Variants in GRIN2A observed in about 807,000 individuals in gnomAD.
GRIN2A encodes glutamate ionotropic receptor NMDA type subunit 2A.
Under a neutral mutation model 113.4 loss-of-function variants are expected in GRIN2A, and 22 were observed. The ratio of observed to expected loss-of-function variants is 0.19; its 90% CI spans 0.14 to 0.28. GRIN2A has a LOEUF of 0.28. Among genes scored for constraint, GRIN2A ranks in the 10% least tolerant of loss-of-function variants. The probability of loss-of-function intolerance (pLI) is 1.00; values close to 1 mark genes in which losing one functional copy is unlikely to be tolerated. For missense variants in GRIN2A, 1,502 were observed against 1,887.0 expected (o/e 0.80, Z 3.78); for synonymous variants, 827 against 738.4 (o/e 1.12, Z -1.94).
chr16:9,763,500 C>T lies in GRIN2A; in HGVS notation c.4044G>A (p.Leu1348=), dbSNP rs1481988675. The T allele has an allele frequency of 1.9e-6, 3 of 1,613,962 alleles. No homozygotes were observed. The highest frequency in any genetic ancestry group is 2.5e-6 in the Non-Finnish European group (3 of 1,179,998). The change falls in exon 13 of 13, where the codon CTG becomes CTA. Residue 1348 remains leucine, a synonymous_variant. Coordinates refer to ENST00000330684, the MANE Select transcript of GRIN2A (RefSeq NM_001134407.3). ...GKKSSLFPQG[L]EDSKRSKSLL... is the part of the protein sequence containing the mutation. ...GAGACTTGCTCCTCTTGCTGTCCTC[C>T]AGACCTTGGGGGAAAAGGGAGCTTT...
At chr16:9,855,788 G>A (rs551849801) in intron 4 of GRIN2A, among the ~76,000 whole-genome samples, 1 of 152,292 alleles carries the variant, frequency 6.6e-6, no homozygotes, top group African/African-American at 2.4e-5. Flanking sequence ...CAAATGGCAA[G>A]CTATCTCTAA....
intron 10 of GRIN2A, among the ~76,000 whole-genome samples, chr16:9,819,490 C>G (rs188437402): frequency 1.0e-3 from 152 of 151,214 alleles, no homozygotes; most frequent in African/African-American, 3.7e-3. Flanking sequence ...CTACTGTACT[C>G]CAACCTGGGT....
At chr16:9,925,879 A>C (rs1784159384) in intron 3 of GRIN2A, among the ~76,000 whole-genome samples, 1 of 152,226 alleles carries the variant, frequency 6.6e-6, no homozygotes, top group Admixed American at 6.5e-5. Context: ...TTTTAAAGCA[A>C]ATATTGAAAC....
chr16:9,872,200 T>G (rs970309624), intron 4 of GRIN2A, among the ~76,000 whole-genome samples: 4 of 152,140 alleles, frequency 2.6e-5, no homozygotes, highest in Non-Finnish European at 5.9e-5. Context: ...AATGACAGAT[T>G]TCCAGAATTA....
intron 2 of GRIN2A, among the ~76,000 whole-genome samples, chr16:10,127,486 C>T (rs1224599810): frequency 1.3e-5 from 2 of 152,174 alleles, no homozygotes; most frequent in Admixed American, 6.5e-5. Flanking sequence ...ACTACCACCG[C>T]CCTGGGAGGT....
Position 9,768,839 on chromosome 16 carries a change from C to T in GRIN2A, c.2595+12G>A, listed in dbSNP as rs746566593. On this transcript the variant is annotated intron_variant, in intron 12 of 12. Transcript: ENST00000330684. Reference sequence around the variant, plus strand: ...CTTGCAGTGCAAGAAAGTAGCCACCCGGTGTACTGACCCTGCTGATGGAGA... The same window carrying T: ...CTTGCAGTGCAAGAAAGTAGCCACCTGGTGTACTGACCCTGCTGATGGAGA... The T allele has an allele frequency of 9.4e-6, 15 of 1,588,946 alleles. No homozygotes were observed. Among genetic ancestry groups the T allele is most frequent in the Admixed American group, 1.7e-5 (1 of 59,988 alleles).
intron 2 of GRIN2A, among the ~76,000 whole-genome samples, chr16:10,113,236 G>A (rs927447527): frequency 6.6e-6 from 1 of 151,886 alleles, no homozygotes; most frequent in African/African-American, 2.4e-5. Context: ...GTACCTCCCT[G>A]CCCCCAGCCC....
chr16:9,899,276 T>G (rs1190421361), intron 3 of GRIN2A, among the ~76,000 whole-genome samples: 1 of 151,416 alleles, frequency 6.6e-6, no homozygotes, highest in Non-Finnish European at 1.5e-5. Context: ...CCATCTCTAC[T>G]AAAAATACCA....
chr16:10,098,155 A>T (rs2048328644), intron 2 of GRIN2A, among the ~76,000 whole-genome samples: 1 of 152,236 alleles, frequency 6.6e-6, no homozygotes, highest in Non-Finnish European at 1.5e-5. Context: ...GGGCATGAAC[A>T]GATAGTTCTC....
chr16:10,107,246 C>A (rs1288884440), intron 2 of GRIN2A, among the ~76,000 whole-genome samples: 1 of 152,112 alleles, frequency 6.6e-6, no homozygotes, highest in Non-Finnish European at 1.5e-5. Flanking sequence ...TGTGTCCATG[C>A]CATTTCAGCA....
Position 9,986,539 on chromosome 16 carries a change from C to T in GRIN2A, c.415-47988G>A, listed in dbSNP as rs192265993. Among the ~76,000 whole-genome samples the T allele has an allele frequency of 1.3e-3, 197 of 151,928 alleles. 13 individuals are homozygous for T. Among genetic ancestry groups the T allele is most frequent in the Non-Finnish European group, 7.8e-4 (53 of 67,930 alleles). ...CAGCACCTTGAGGGGCCAAGGTGGGCGGATCATGAGGTCAGGAGTTCGAGA... is the reference window on the plus strand; with the variant it reads ...CAGCACCTTGAGGGGCCAAGGTGGGTGGATCATGAGGTCAGGAGTTCGAGA... On this transcript the variant is annotated intron_variant, in intron 2 of 12. Transcript: ENST00000330684.
At chr16:9,801,726 C>T (rs1903374046) in intron 10 of GRIN2A, among the ~76,000 whole-genome samples, 2 of 152,096 alleles carry the variant, frequency 1.3e-5, no homozygotes, top group Non-Finnish European at 2.9e-5. Flanking sequence ...TGACTCTGAC[C>T]AAAGCAGTTA....
intron 2 of GRIN2A, among the ~76,000 whole-genome samples, chr16:10,169,017 T>C (rs1239545614): frequency 6.9e-6 from 1 of 145,830 alleles, no homozygotes; most frequent in Non-Finnish European, 1.5e-5. Flanking sequence ...ATAATAATAA[T>C]AATTTCACTC....
At chr16:9,813,058 G>A (rs905077124) in intron 10 of GRIN2A, among the ~76,000 whole-genome samples, 19 of 152,336 alleles carry the variant, frequency 1.2e-4, no homozygotes, top group African/African-American at 4.3e-4. Flanking sequence ...GCTACAGGAC[G>A]ACATTCTCCA....
chr16:9,893,517 A>G (rs1393113714), intron 3 of GRIN2A, among the ~76,000 whole-genome samples: 1 of 152,158 alleles, frequency 6.6e-6, no homozygotes, highest in African/African-American at 2.4e-5. Context: ...CCCAGGCTGT[A>G]GTGCATTGGC....
chr16:9,849,445 T>C (rs1320619827), intron 5 of GRIN2A, among the ~76,000 whole-genome samples: 1 of 152,014 alleles, frequency 6.6e-6, no homozygotes, highest in East Asian at 1.9e-4. Flanking sequence ...GTTTGAGTCC[T>C]ACCTCTTCCA....
intron 2 of GRIN2A, among the ~76,000 whole-genome samples, chr16:10,165,595 C>T (rs2049899357): frequency 7.0e-6 from 1 of 143,396 alleles, no homozygotes; most frequent in Admixed American, 7.2e-5. Context: ...TAAAATGATC[C>T]AGCAGTGGGT....
chr16:10,112,708 C>T lies in GRIN2A; in HGVS notation c.414+67290G>A, dbSNP rs527651446. The stretch of plus-strand genomic sequence containing the variant: ...AAGGTGAATATTGTGCAGGGTGTCT[C>T]GGCCTCCATCCAGGACAAAGGGTCC... On this transcript the variant is annotated intron_variant, in intron 2 of 12. Transcript: ENST00000330684. 3.8e-5 allele frequency: 28 copies of T among 744,314 alleles called. 1 individual carries two copies. Among genetic ancestry groups the T allele is most frequent in the African/African-American group, 8.6e-5 (5 of 58,420 alleles). 46.1% of individuals were successfully genotyped at this position (744,314 alleles called of 1,614,324 possible). A position where few individuals can be genotyped will look rare whatever the true frequency, so the allele number is the denominator to read the frequency against.
intron 1 of GRIN2A, among the ~76,000 whole-genome samples, chr16:10,181,123 T>C (rs1043297681): frequency 2.3e-5 from 2 of 88,600 alleles, no homozygotes; most frequent in African/African-American, 8.1e-5. Context: ...CCTGGGGAAC[T>C]TGGGGCTCGC....
Sources: gnomAD v4.1 joint callset for allele counts (sites outside exome capture counted in the v4.1 genomes callset) on GRCh38, gnomAD v4.1.1 for gene constraint, MANE v1.5 for transcripts, NCBI Gene and HGNC (gene_info 2026-07-23, HGNC 2026-07-21) for gene names.